The following PRKCB variants were observed in gnomAD, a reference collection of about 807,000 sequenced individuals.
The protein encoded by PRKCB is protein kinase C beta type.
In PRKCB, 13 loss-of-function variants were observed where a neutral mutation model predicts 81.5. The observed-to-expected ratio is 0.16, with a 90% CI of 0.10 to 0.25. The LOEUF (loss-of-function observed/expected upper bound fraction) is 0.25, where lower values mean the gene tolerates loss of function less well. Ranked by LOEUF, PRKCB falls within the 10% of genes least tolerant of loss-of-function variation. The pLI, the probability that PRKCB is intolerant of heterozygous loss-of-function variation, is 1.00. For synonymous variants in PRKCB, 335 were observed against 321.4 expected (o/e 1.04, Z -0.45); for missense variants, 509 against 875.7 (o/e 0.58, Z 5.29).
intron 5 of PRKCB, among the ~76,000 whole-genome samples, chr16:24,071,496 GC>G (rs1164675400): frequency 6.8e-6 from 1 of 147,982 alleles, no homozygotes; most frequent in African/African-American, 2.5e-5. Flanking sequence ...AATAAGAGGA[GC>G]CCGTCCAACC....
chr16:24,203,746 C>A (rs187421634), intron 16 of PRKCB, among the ~76,000 whole-genome samples: 40 of 152,180 alleles, frequency 2.6e-4, no homozygotes, highest in Admixed American at 9.8e-4. Context: ...AAATGCCCCC[C>A]CAAATGGCAT....
At chr16:23,837,714 T>C (rs2188358) in intron 2 of PRKCB, among the ~76,000 whole-genome samples, 114,122 of 152,002 alleles carry the variant, frequency 0.75, 42,907 homozygotes, top group Admixed American at 0.79. Context: ...GAGAAAGTGT[T>C]TTCCCGGGAC....
At chr16:24,207,316 G>C (rs987426468) in intron 16 of PRKCB, among the ~76,000 whole-genome samples, 23 of 152,022 alleles carry the variant, frequency 1.5e-4, no homozygotes, top group African/African-American at 3.9e-4. Flanking sequence ...ATTTAAAATA[G>C]CTTTCACAGC....
chr16:24,019,414 G>A (rs1965329916), intron 3 of PRKCB, among the ~76,000 whole-genome samples: 1 of 152,018 alleles, frequency 6.6e-6, no homozygotes, highest in Non-Finnish European at 1.5e-5. Context: ...CACACAAAAG[G>A]TACCATGTAA....
chr16:23,847,110 TA>T, intron 2 of PRKCB, among the ~76,000 whole-genome samples: 1 of 152,136 alleles, frequency 6.6e-6, no homozygotes, highest in Non-Finnish European at 1.5e-5. Context: ...GCAACACCAT[TA>T]GTTCAACCAT....
intron 8 of PRKCB, among the ~76,000 whole-genome samples, chr16:24,122,109 C>T (rs561606318): frequency 1.1e-4 from 16 of 152,196 alleles, no homozygotes; most frequent in East Asian, 3.9e-4. Flanking sequence ...GTAAGTAAGG[C>T]GGATGGAGAT....
chr16:23,900,384 T>C (rs1052058168), intron 2 of PRKCB, among the ~76,000 whole-genome samples: 2 of 152,238 alleles, frequency 1.3e-5, no homozygotes, highest in Non-Finnish European at 2.9e-5. Context: ...TCCTAGGTAT[T>C]TTTACCTCTG....
intron 3 of PRKCB, among the ~76,000 whole-genome samples, chr16:24,023,663 C>G (rs984501461): frequency 6.6e-6 from 1 of 152,090 alleles, no homozygotes; most frequent in Non-Finnish European, 1.5e-5. Flanking sequence ...CCACCGCACC[C>G]GGCCAGGCAG....
At chr16:24,039,739 C>T (rs1412351360) in intron 5 of PRKCB, among the ~76,000 whole-genome samples, 1 of 152,148 alleles carries the variant, frequency 6.6e-6, no homozygotes. Context: ...ACACAGCACC[C>T]AGGGGATGGG....
chr16:24,124,873 C>T (rs1323030662), intron 9 of PRKCB, among the ~76,000 whole-genome samples: 5 of 152,290 alleles, frequency 3.3e-5, no homozygotes, highest in African/African-American at 1.2e-4. Context: ...CCCCCACAGC[C>T]ATGTACAATG....
intron 16 of PRKCB, among the ~76,000 whole-genome samples, chr16:24,213,006 ATATTTATTTATTTATT>A (rs113357248): frequency 1.5e-4 from 21 of 143,816 alleles, no homozygotes; most frequent in East Asian, 4.1e-4. Flanking sequence ...CCGTACTTGT[ATATTTATTTATTTATT>A]TATTTATTTA....
At chr16:24,046,813 G>A (rs1965771907) in intron 5 of PRKCB, among the ~76,000 whole-genome samples, 1 of 152,204 alleles carries the variant, frequency 6.6e-6, no homozygotes, top group Admixed American at 6.5e-5. Flanking sequence ...AGGAGTATCT[G>A]AAGGACATCA....
intron 2 of PRKCB, among the ~76,000 whole-genome samples, chr16:23,871,562 A>G (rs775429763): frequency 6.6e-6 from 1 of 151,478 alleles, no homozygotes; most frequent in Non-Finnish European, 1.5e-5. Flanking sequence ...CTCTAATCCC[A>G]TCACCTTGTT....
intron 2 of PRKCB, among the ~76,000 whole-genome samples, chr16:23,940,762 A>T (rs1467846799): frequency 6.6e-6 from 1 of 152,186 alleles, no homozygotes; most frequent in Non-Finnish European, 1.5e-5. Flanking sequence ...TTATAAGACG[A>T]GATGTGCTAT....
At chr16:23,960,872 G>T (rs931185738) in intron 2 of PRKCB, among the ~76,000 whole-genome samples, 4 of 152,142 alleles carry the variant, frequency 2.6e-5, no homozygotes, top group African/African-American at 4.8e-5. Context: ...TAAGATAATT[G>T]CCCAAGGTCT....
chr16:24,095,397 G>A (rs1406039995), intron 7 of PRKCB, among the ~76,000 whole-genome samples: 3 of 152,068 alleles, frequency 2.0e-5, no homozygotes, highest in Non-Finnish European at 2.9e-5. Flanking sequence ...AATGGTCCTC[G>A]TGCACTGAGT....
intron 2 of PRKCB, among the ~76,000 whole-genome samples, chr16:23,984,973 C>G (rs1168996204): frequency 6.6e-6 from 1 of 152,156 alleles, no homozygotes; most frequent in Non-Finnish European, 1.5e-5. Context: ...ATACGGTTTT[C>G]TATCTGGAAA....
chr16:24,195,862 G>A (rs1967869942), intron 16 of PRKCB, among the ~76,000 whole-genome samples: 1 of 152,098 alleles, frequency 6.6e-6, no homozygotes, highest in Admixed American at 6.5e-5. Flanking sequence ...CAGCATTCCT[G>A]GGCTTCTTTC....
rs1968211799 is a variant in PRKCB at position 24,215,493 on chromosome 16, C to T, written c.*677C>T. 1.0e-6 allele frequency: 1 copy of T among 985,816 alleles called. No individual in the cohort carries two copies. Among genetic ancestry groups the T allele is most frequent in the Non-Finnish European group, 1.2e-6 (1 of 829,912 alleles). The allele number at this position is 985,816 out of a possible 1,614,324, so 61.1% of individuals were successfully genotyped here. ...GATACTTTATGTCTTTGCTCACCCT[C>T]ATCCCCAAACTACTTGAAAAGGGCA... is the stretch of plus-strand genomic sequence containing the variant. On this transcript the variant is annotated 3_prime_UTR_variant, in exon 17 of 17. Transcript: ENST00000643927.
Sources: allele counts gnomAD v4.1 joint callset (sites outside exome capture counted in the v4.1 genomes callset), GRCh38; gene constraint gnomAD v4.1.1; transcripts MANE v1.5; gene names NCBI Gene and HGNC (gene_info 2026-07-23, HGNC 2026-07-21).